NHS: variants seen among roughly 807,000 people sequenced by gnomAD.
NHS encodes actin remodeling regulator NHS.
In NHS, 5 loss-of-function variants were observed where a neutral mutation model predicts 72.5. That is an observed-to-expected ratio of 0.07 (90% CI 0.04 to 0.14). The LOEUF (loss-of-function observed/expected upper bound fraction) is 0.14. NHS is among the 10% of genes least tolerant of loss of function. The probability of loss-of-function intolerance (pLI) is 1.00; values close to 1 mark genes in which losing one functional copy is unlikely to be tolerated. For synonymous variants in NHS, 464 were observed against 547.7 expected (o/e 0.85, Z 2.13); for missense variants, 1,072 against 1,355.7 (o/e 0.79, Z 3.29).
chrX:17,430,259 TTTTCTTTCTTTCTTTCTTTCTTTCTTTC>T (rs56175001), intron 1 of NHS, among the ~76,000 whole-genome samples: 26 of 51,570 alleles, frequency 5.0e-4, no homozygotes, highest in East Asian at 6.8e-4. Context: ...CCCTCTTTCT[TTTTCTTTCTTTCTTTCTTTCTTTCTTTC>T]TTTCTTTCTT....
chrX:17,571,439 T>G (rs1279351554), intron 1 of NHS, among the ~76,000 whole-genome samples: 2 of 112,525 alleles, frequency 1.8e-5, no homozygotes, highest in East Asian at 5.5e-4. Flanking sequence ...TCTTCCAGAT[T>G]TTCTAGTTTA....
intron 1 of NHS, among the ~76,000 whole-genome samples, chrX:17,539,629 G>C (rs912427103): frequency 9.0e-6 from 1 of 111,239 alleles, no homozygotes; most frequent in Admixed American, 9.5e-5. Context: ...AGCATCCCCA[G>C]GGAAGTTTCT....
At chrX:17,405,208 G>T (rs1272156990) in intron 1 of NHS, among the ~76,000 whole-genome samples, 1 of 111,901 alleles carries the variant, frequency 8.9e-6, no homozygotes, top group East Asian at 2.8e-4. Flanking sequence ...GTTTTTAATG[G>T]GCTCTGCCTG....
chrX:17,457,864 T>G (rs1439011062), intron 1 of NHS, among the ~76,000 whole-genome samples: 1 of 112,039 alleles, frequency 8.9e-6, no homozygotes, highest in African/African-American at 3.2e-5. Context: ...ACAGTCCTTG[T>G]GCTCTTTCAG....
chrX:17,645,186 T>G (rs2065900701), intron 1 of NHS, among the ~76,000 whole-genome samples: 1 of 111,911 alleles, frequency 8.9e-6, no homozygotes, highest in Non-Finnish European at 1.9e-5. Context: ...TACTGGCATT[T>G]AAAATTAATT....
intron 1 of NHS, among the ~76,000 whole-genome samples, chrX:17,584,114 GA>G (rs1190466456): frequency 8.9e-6 from 1 of 111,969 alleles, no homozygotes; most frequent in African/African-American, 3.3e-5. Flanking sequence ...ATGGGGGTAT[GA>G]TGGGCAGTGA....
intron 1 of NHS, among the ~76,000 whole-genome samples, chrX:17,590,175 A>G (rs1352321398): frequency 1.8e-4 from 20 of 112,249 alleles, no homozygotes; most frequent in Middle Eastern, 4.6e-3. Context: ...TAATGGGAAT[A>G]TGAAATGATA....
At chrX:17,592,852 G>T (rs1444882662) in intron 1 of NHS, among the ~76,000 whole-genome samples, 7 of 111,344 alleles carry the variant, frequency 6.3e-5, no homozygotes. Flanking sequence ...AGTGCAGGGG[G>T]TATAGACAGG....
chrX:17,635,209 C>A, intron 1 of NHS: 2 of 770,999 alleles, frequency 2.6e-6, no homozygotes, highest in Non-Finnish European at 3.3e-6. Context: ...AGTCCCACTG[C>A]AACCTAAACT....
intron 3 of NHS, among the ~76,000 whole-genome samples, chrX:17,711,738 C>G (rs1442359583): frequency 9.0e-6 from 1 of 111,719 alleles, no homozygotes; most frequent in African/African-American, 3.3e-5. Context: ...TGAGCATGTA[C>G]TCTTTTGGTG....
intron 3 of NHS, among the ~76,000 whole-genome samples, chrX:17,711,767 C>T (rs1348311065): frequency 9.0e-6 from 1 of 111,648 alleles, no homozygotes; most frequent in Admixed American, 9.5e-5. Flanking sequence ...GCTTATGCTA[C>T]ATATACTTTT....
intron 1 of NHS, among the ~76,000 whole-genome samples, chrX:17,570,493 T>G (rs777779988): frequency 5.2e-4 from 58 of 112,042 alleles, no homozygotes; most frequent in African/African-American, 1.7e-3. Context: ...TGTATAGGAA[T>G]GCTTGTGATT....
At chrX:17,430,117 TTCCTC>T (rs1405751056) in intron 1 of NHS, among the ~76,000 whole-genome samples, 1 of 95,487 alleles carries the variant, frequency 1.0e-5, no homozygotes. Flanking sequence ...CTTCCTTCCT[TTCCTC>T]CATCCCTCCC....
chrX:17,705,298 G>A (rs958620456), intron 3 of NHS: 1 of 111,872 alleles, frequency 8.9e-6, no homozygotes, highest in African/African-American at 3.3e-5. Context: ...ATACTAAAGA[G>A]CATGGAACAG....
intron 1 of NHS, among the ~76,000 whole-genome samples, chrX:17,675,603 T>C (rs1393052198): frequency 9.0e-6 from 1 of 111,575 alleles, no homozygotes; most frequent in Non-Finnish European, 1.9e-5. Flanking sequence ...ATGTGCAAGA[T>C]GAACGTAGGA....
At chrX:17,391,444 T>C (rs2146845880) in intron 1 of NHS, among the ~76,000 whole-genome samples, 1 of 112,223 alleles carries the variant, frequency 8.9e-6, no homozygotes, top group African/African-American at 3.2e-5. Flanking sequence ...GTGTATGGCA[T>C]ATACACAGTA....
At chrX:17,590,201 G>A (rs1386925590) in intron 1 of NHS, among the ~76,000 whole-genome samples, 1 of 111,858 alleles carries the variant, frequency 8.9e-6, no homozygotes, top group Non-Finnish European at 1.9e-5. Context: ...CTGGGGGACT[G>A]TGTGGCAGTT....
At chrX:17,644,885 T>C (rs1158939066) in intron 1 of NHS, among the ~76,000 whole-genome samples, 1 of 111,150 alleles carries the variant, frequency 9.0e-6, no homozygotes, top group Non-Finnish European at 1.9e-5. Context: ...CTCGGGAGTA[T>C]GCATAAGTCC....
intron 1 of NHS, among the ~76,000 whole-genome samples, chrX:17,565,405 A>G (rs1276748858): frequency 8.9e-6 from 1 of 112,782 alleles, no homozygotes; most frequent in Non-Finnish European, 1.9e-5. Flanking sequence ...GAGAAATCAT[A>G]AATCATTGTT....
Sources: allele counts gnomAD v4.1 joint callset (sites outside exome capture counted in the v4.1 genomes callset), GRCh38; gene constraint gnomAD v4.1.1; transcripts MANE v1.5; gene names NCBI Gene and HGNC (gene_info 2026-07-23, HGNC 2026-07-21).